BACH2: variants seen among roughly 807,000 people sequenced by gnomAD.
BACH2 encodes the protein BACH transcriptional regulator 2, also known as transcription regulator protein BACH2.
BACH2 carries 5 observed loss-of-function variants against 61.8 expected under a neutral mutation model. The observed-to-expected ratio is 0.08, with a 90% CI of 0.04 to 0.17. The LOEUF is 0.17. Ranked by LOEUF, BACH2 falls within the 10% of genes least tolerant of loss-of-function variation. The pLI is 1.00. For missense variants in BACH2, 824 were observed against 1,091.1 expected, an observed-to-expected ratio of 0.76 and a Z score of 3.45; for synonymous variants, 446 against 440.1, an observed-to-expected ratio of 1.01 and a Z score of -0.17.
intron 1 of BACH2, 110 bp from the exon 2 acceptor site, chr6:90,272,051 C>T (rs986206031): frequency 5.3e-5 from 8 of 152,284 alleles, no homozygotes; most frequent in African/African-American, 1.9e-4. Flanking sequence ...GAACTACCTG[C>T]AAATTTAGTG....
At chr6:90,295,896 T>C (rs1387297172) in intron 1 of BACH2, among the ~76,000 whole-genome samples, 3 of 152,074 alleles carry the variant, frequency 2.0e-5, no homozygotes, top group Non-Finnish European at 4.4e-5. Flanking sequence ...CCGGTCGCGG[T>C]GGTCCGGGCC....
chr6:89,976,382 G>A (rs1173084512), intron 6 of BACH2, among the ~76,000 whole-genome samples: 1 of 152,232 alleles, frequency 6.6e-6, no homozygotes, highest in African/African-American at 2.4e-5. Flanking sequence ...GCATCTGTAA[G>A]GCAGGGGCAA....
chr6:90,077,547 C>T (rs56825508), intron 5 of BACH2, among the ~76,000 whole-genome samples: 5,406 of 151,984 alleles, frequency 0.036, 297 homozygotes, highest in African/African-American at 0.12. Flanking sequence ...ACACAAAAAC[C>T]AAAAATCTGA....
intron 6 of BACH2, among the ~76,000 whole-genome samples, chr6:89,971,829 C>T (rs1468448839): frequency 1.3e-5 from 2 of 152,178 alleles, no homozygotes; most frequent in African/African-American, 4.8e-5. Context: ...GGGAAACCGC[C>T]CCCGTGATTC....
At chr6:90,130,708 C>T (rs1784049048) in intron 4 of BACH2, among the ~76,000 whole-genome samples, 2 of 152,186 alleles carry the variant, frequency 1.3e-5, no homozygotes, top group African/African-American at 4.8e-5. Flanking sequence ...CCCTGCTTCA[C>T]CATGGGACAA....
intron 4 of BACH2, among the ~76,000 whole-genome samples, chr6:90,185,219 T>C (rs1480094284): frequency 2.6e-5 from 4 of 152,158 alleles, no homozygotes; most frequent in African/African-American, 7.2e-5. Flanking sequence ...AGGTGAACAA[T>C]AGCTCTGTCT....
chr6:90,221,217 G>A (rs994333482), intron 3 of BACH2, among the ~76,000 whole-genome samples: 1 of 152,136 alleles, frequency 6.6e-6, no homozygotes, highest in Non-Finnish European at 1.5e-5. Context: ...AATTTATACT[G>A]TCCTTTTATA....
intron 6 of BACH2, chr6:89,952,815 T>TCA (rs1262814348): frequency 6.6e-6 from 1 of 152,242 alleles, no homozygotes; most frequent in African/African-American, 2.4e-5. Context: ...GCATGCCTGC[T>TCA]CACACACAAT....
chr6:90,217,184 C>T (rs561116098), intron 3 of BACH2, among the ~76,000 whole-genome samples: 1 of 152,284 alleles, frequency 6.6e-6, no homozygotes, highest in East Asian at 1.9e-4. Flanking sequence ...ACTATGTTAT[C>T]ATCAATATCA....
intron 3 of BACH2, among the ~76,000 whole-genome samples, chr6:90,211,217 G>GAGAA (rs1286601007): frequency 3.3e-5 from 5 of 150,328 alleles, no homozygotes; most frequent in Admixed American, 1.3e-4. Context: ...ATAAAGAATG[G>GAGAA]AGAAAAACAA....
chr6:89,932,930 T>C (rs1223448190), intron 8 of BACH2, 40 bp from the exon 9 acceptor site: 7 of 1,523,932 alleles, frequency 4.6e-6, no homozygotes, highest in Non-Finnish European at 6.2e-6. Context: ...TGATCAAGCC[T>C]GAACTGGAGG....
chr6:90,219,213 C>A lies in BACH2; in HGVS notation c.-274-12532G>T, dbSNP rs551839470. 4.0e-4 allele frequency among the ~76,000 whole-genome samples: 61 copies of A among 152,264 alleles called. 1 individual carries two copies. Among genetic ancestry groups the A allele is most frequent in the Non-Finnish European group, 7.8e-4 (53 of 68,016 alleles). ...GTCTTTCTTGTAAGTGTATGCCCAG[C>A]GCCTGCAGTGGGTATTAAGCACTTA... On this transcript the variant is annotated intron_variant, in intron 3 of 8. Transcript: ENST00000257749.
intron 1 of BACH2, among the ~76,000 whole-genome samples, chr6:90,276,525 C>A (rs780690235): frequency 1.3e-5 from 2 of 152,122 alleles, no homozygotes; most frequent in Admixed American, 6.5e-5. Flanking sequence ...TCTGGATAAA[C>A]GTCTAAGATT....
chr6:90,129,127 G>A (rs969557483), intron 4 of BACH2, among the ~76,000 whole-genome samples: 1 of 152,100 alleles, frequency 6.6e-6, no homozygotes. Flanking sequence ...TAAATGACGA[G>A]TTAATGGGTG....
At chr6:90,038,515 A>G (rs1469754023) in intron 5 of BACH2, among the ~76,000 whole-genome samples, 2 of 152,132 alleles carry the variant, frequency 1.3e-5, no homozygotes, top group African/African-American at 2.4e-5. Context: ...GAAAAATATC[A>G]TTAAGTTTTT....
intron 4 of BACH2, among the ~76,000 whole-genome samples, chr6:90,153,768 A>C (rs1357511315): frequency 5.3e-5 from 8 of 152,190 alleles, no homozygotes; most frequent in Admixed American, 5.2e-4. Context: ...AGGAAATAAA[A>C]CACTCCTTCT....
chr6:90,022,693 G>A (rs1329755015), intron 5 of BACH2, among the ~76,000 whole-genome samples: 4 of 152,160 alleles, frequency 2.6e-5, no homozygotes, highest in Non-Finnish European at 5.9e-5. Flanking sequence ...TGTATGTATT[G>A]GTCCAAAGGT....
chr6:90,163,240 C>CT (rs1767462079), intron 4 of BACH2, among the ~76,000 whole-genome samples: 2 of 152,198 alleles, frequency 1.3e-5, no homozygotes, highest in African/African-American at 4.8e-5. Flanking sequence ...AAGGCCCTCT[C>CT]TGTAGCAATT....
chr6:90,250,390 T>C (rs1478006693), intron 3 of BACH2, among the ~76,000 whole-genome samples: 2 of 152,120 alleles, frequency 1.3e-5, no homozygotes, highest in Non-Finnish European at 2.9e-5. Context: ...CCGAAAGGAG[T>C]CAACTTTCCA....
Sources: allele counts gnomAD v4.1 joint callset (sites outside exome capture counted in the v4.1 genomes callset), GRCh38; gene constraint gnomAD v4.1.1; transcripts MANE v1.5; gene names NCBI Gene and HGNC (gene_info 2026-07-23, HGNC 2026-07-21).